The following CREM variants were observed in gnomAD, a reference collection of about 807,000 sequenced individuals.
CREM encodes cAMP responsive element modulator.
A neutral mutation model predicts 37.3 loss-of-function variants in CREM; 13 were observed. That is an observed-to-expected ratio of 0.35 (90% CI 0.23 to 0.55). The LOEUF is 0.55. CREM is among the 20% of genes least tolerant of loss of function. CREM has a pLI of 0.88. For synonymous variants in CREM, 124 were observed against 120.2 expected, an observed-to-expected ratio of 1.03 and a Z score of -0.21; for missense variants, 296 against 362.3, an observed-to-expected ratio of 0.82 and a Z score of 1.49.
intron 1 of CREM, among the ~76,000 whole-genome samples, chr10:35,130,188 C>T (rs1214749829): frequency 8.1e-6 from 1 of 123,662 alleles, no homozygotes; most frequent in African/African-American, 3.2e-5. Flanking sequence ...AAGAGCCAAA[C>T]TCAGTCTCAA....
chr10:35,174,951 A>T (rs1448766349), intron 3 of CREM, among the ~76,000 whole-genome samples: 2 of 152,210 alleles, frequency 1.3e-5, no homozygotes, highest in Non-Finnish European at 2.9e-5. Context: ...AAAAGTGTCC[A>T]GAGGCCTCAT....
intron 3 of CREM, among the ~76,000 whole-genome samples, chr10:35,151,000 A>T (rs1247011815): frequency 6.6e-6 from 1 of 152,204 alleles, no homozygotes; most frequent in Non-Finnish European, 1.5e-5. Context: ...AGGTTTTAGT[A>T]GGTTATAGAA....
At chr10:35,162,385 G>A (rs1278195168) in intron 3 of CREM, among the ~76,000 whole-genome samples, 1 of 152,128 alleles carries the variant, frequency 6.6e-6, no homozygotes, top group East Asian at 1.9e-4. Flanking sequence ...ACAATGTATT[G>A]TTGAAAAATG....
At chr10:35,186,106 T>C (rs2094545160) in intron 5 of CREM, among the ~76,000 whole-genome samples, 1 of 152,232 alleles carries the variant, frequency 6.6e-6, no homozygotes, top group South Asian at 2.1e-4. Context: ...AGATGTCATG[T>C]TATTCTGGTG....
intron 1 of CREM, 99 bp from the exon 2 acceptor site, chr10:35,137,683 C>T: frequency 2.2e-6 from 1 of 458,706 alleles, no homozygotes; most frequent in Non-Finnish European, 3.8e-6. Flanking sequence ...TTCTTCCTGG[C>T]CTTGTTTTGA....
chr10:35,187,092 A>AT (rs1491374304), intron 5 of CREM, among the ~76,000 whole-genome samples: 6 of 64,686 alleles, frequency 9.3e-5, no homozygotes, highest in Non-Finnish European at 1.7e-4. Flanking sequence ...ATAATATATA[A>AT]TATATATGAT....
chr10:35,175,453 A>G, intron 3 of CREM: 3 of 490,344 alleles, frequency 6.1e-6, no homozygotes, highest in Non-Finnish European at 1.1e-5. Flanking sequence ...CTCAAAAAAA[A>G]AAGAACCATA....
chr10:35,206,848 A>G, intron 6 of CREM, 47 bp from the exon 7 acceptor site: 1 of 1,595,936 alleles, frequency 6.3e-7, no homozygotes. Flanking sequence ...TAAAATGCCA[A>G]ATTATGAATT....
rs529153983 is a variant in CREM, at chr10:35,157,355, G to A, written c.168+8864G>A. 5.9e-5 allele frequency among the ~76,000 whole-genome samples: 9 copies of A among 152,210 alleles called. No homozygotes were observed. The East Asian group carries it at 1.5e-3, about 26-fold the overall frequency. ...GAATAAGATAAGGATACCAGGCCAGGTGTGGTGGCTCACACCTGTAATCCC... is the reference window on the plus strand; with the variant it reads ...GAATAAGATAAGGATACCAGGCCAGATGTGGTGGCTCACACCTGTAATCCC... On this transcript the variant is annotated intron_variant, in intron 3 of 7. Coordinates refer to ENST00000685392, the MANE Select transcript of CREM (RefSeq NM_183011.2).
chr10:35,157,472 A>G (rs1400140256), intron 3 of CREM, among the ~76,000 whole-genome samples: 1 of 152,018 alleles, frequency 6.6e-6, no homozygotes, highest in Admixed American at 6.6e-5. Context: ...TCTCTACCAG[A>G]AAATATACAA....
rs1052871440 is a variant in CREM at position 35,203,659 on chromosome 10, T to G, written c.599-3236T>G. Among the ~76,000 whole-genome samples, 7 of 152,144 alleles carry G rather than the reference T, an allele frequency of 4.6e-5. No homozygotes were observed. In the East Asian group the frequency reaches 1.2e-3, roughly 25 times the overall value. ...GTGAGCCGAGATTGTGCCACTGCAC[T>G]CTATCCTGGGTGGCAGCGTGAGACT... On this transcript the variant is annotated intron_variant, in intron 6 of 7. Coordinates refer to ENST00000685392, the MANE Select transcript of CREM (RefSeq NM_183011.2).
At chr10:35,168,819 A>T (rs2093672592) in intron 3 of CREM, among the ~76,000 whole-genome samples, 1 of 152,148 alleles carries the variant, frequency 6.6e-6, no homozygotes, top group Non-Finnish European at 1.5e-5. Flanking sequence ...TACATATGGC[A>T]AACCAGTTTT....
At chr10:35,145,121 A>G (rs1202311443) in intron 2 of CREM, among the ~76,000 whole-genome samples, 1 of 146,634 alleles carries the variant, frequency 6.8e-6, no homozygotes, top group African/African-American at 2.5e-5. Flanking sequence ...AGATCGCGCC[A>G]CTGCACTCCA....
chr10:35,194,997 C>T (rs1201701671), intron 6 of CREM: 1 of 453,016 alleles, frequency 2.2e-6, no homozygotes, highest in Non-Finnish European at 3.9e-6. Flanking sequence ...TGGTTTATTA[C>T]AGGAAGAGTT....
intron 7 of CREM, 37 bp downstream of exon 7, chr10:35,207,088 C>T: frequency 6.3e-7 from 1 of 1,587,544 alleles, no homozygotes; most frequent in South Asian, 1.1e-5. Context: ...ACTTCTAGGA[C>T]ACTTTTTAAA....
intron 3 of CREM, among the ~76,000 whole-genome samples, chr10:35,173,235 C>T (rs528713842): frequency 1.2e-4 from 18 of 152,290 alleles, no homozygotes; most frequent in Admixed American, 1.0e-3. Context: ...TGCAATTAAT[C>T]CTTAAGAGAC....
chr10:35,159,310 A>T (rs777609853), intron 3 of CREM, among the ~76,000 whole-genome samples: 1 of 152,286 alleles, frequency 6.6e-6, no homozygotes, highest in East Asian at 1.9e-4. Flanking sequence ...GCATCACACT[A>T]CCTGACTTCA....
chr10:35,151,321 A>G (rs1428169875), intron 3 of CREM, among the ~76,000 whole-genome samples: 2 of 152,032 alleles, frequency 1.3e-5, no homozygotes, highest in Non-Finnish European at 2.9e-5. Context: ...TTTCTATTTT[A>G]TATTGTTAGA....
At chr10:35,146,948 T>C (rs2135934689) in intron 2 of CREM, among the ~76,000 whole-genome samples, 1 of 152,010 alleles carries the variant, frequency 6.6e-6, no homozygotes, top group Admixed American at 6.5e-5. Context: ...ACTTTTTGGA[T>C]GTATAGTTAG....
Sources: allele counts gnomAD v4.1 joint callset (sites outside exome capture counted in the v4.1 genomes callset), GRCh38; gene constraint gnomAD v4.1.1; transcripts MANE v1.5; gene names NCBI Gene and HGNC (gene_info 2026-07-23, HGNC 2026-07-21).